SORCS3: variants seen among roughly 807,000 people sequenced by gnomAD.
SORCS3 encodes sortilin related VPS10 domain containing receptor 3, also known as VPS10 domain-containing receptor SorCS3.
SORCS3 carries 57 observed loss-of-function variants against 146.3 expected under a neutral mutation model. The ratio of observed to expected loss-of-function variants is 0.39; its 90% CI spans 0.31 to 0.49. The LOEUF (loss-of-function observed/expected upper bound fraction) is 0.49, where lower values mean the gene tolerates loss of function less well. SORCS3 is among the 20% of genes least tolerant of loss of function. The pLI is 0.92. For missense variants in SORCS3, 1,341 were observed against 1,575.5 expected, an observed-to-expected ratio of 0.85 and a Z score of 2.52; for synonymous variants, 653 against 618.5, an observed-to-expected ratio of 1.06 and a Z score of -0.83.
intron 1 of SORCS3, among the ~76,000 whole-genome samples, chr10:104,680,578 G>T (rs191617581): frequency 6.6e-5 from 10 of 152,216 alleles, no homozygotes; most frequent in Non-Finnish European, 1.3e-4. Context: ...ACCTCCCCAT[G>T]CCTTAGTTTC....
At chr10:104,715,657 C>T (rs1332664796) in intron 1 of SORCS3, among the ~76,000 whole-genome samples, 2 of 152,156 alleles carry the variant, frequency 1.3e-5, no homozygotes, top group African/African-American at 4.8e-5. Context: ...TTTTGAATCT[C>T]ATTGTTTTAC....
At chr10:105,166,106 G>C (rs1235168155) in intron 12 of SORCS3, among the ~76,000 whole-genome samples, 2 of 152,096 alleles carry the variant, frequency 1.3e-5, no homozygotes, top group African/African-American at 4.8e-5. Flanking sequence ...GTGCATTGGG[G>C]CTCATCATTA....
At position 104,698,602 on chromosome 10, in the gene SORCS3, A is replaced by G. The variant is rs568093801; in HGVS notation, c.627+56648A>G. ...TCACACTGCTCCCACAAATTAAATA[A>G]AAAGTTATTTTGGAAGAAAGACGGA... is the stretch of plus-strand genomic sequence containing the variant. On this transcript the variant is annotated intron_variant, in intron 1 of 26. Coordinates refer to ENST00000369701, the MANE Select transcript of SORCS3 (RefSeq NM_014978.3). 3.3e-5 allele frequency among the ~76,000 whole-genome samples: 5 copies of G among 152,284 alleles called. No homozygotes were observed. In the South Asian group the frequency reaches 1.0e-3, roughly 32 times the overall value.
chr10:105,223,032 AT>A, intron 19 of SORCS3, 83 bp from the exon 20 acceptor site: 12 of 1,398,114 alleles, frequency 8.6e-6, no homozygotes, highest in Non-Finnish European at 1.2e-5. Context: ...TGCGAATAGA[AT>A]TTAAGGTTAA....
intron 20 of SORCS3, among the ~76,000 whole-genome samples, chr10:105,239,392 A>G (rs1223467780): frequency 6.6e-6 from 1 of 152,212 alleles, no homozygotes; most frequent in East Asian, 1.9e-4. Flanking sequence ...AAAGTGTACA[A>G]TATTAACTTG....
rs148259951 is a variant in SORCS3, at chr10:105,162,007, G to T, written c.1733-2296G>T. On this transcript the variant is annotated intron_variant, in intron 11 of 26. Coordinates refer to ENST00000369701, the MANE Select transcript of SORCS3 (RefSeq NM_014978.3). The stretch of plus-strand genomic sequence containing the variant: ...CTGTGGAGGCCCTCCTCCCGCCCCT[G>T]CCCCTGCAGGGGCAAGTTGCTTGTA... Among the ~76,000 whole-genome samples the T allele has an allele frequency of 4.2e-3, 645 of 152,132 alleles. 6 individuals carry two copies. The highest frequency in any genetic ancestry group is 0.014 in the African/African-American group (594 of 41,510).
At chr10:104,975,385 A>G (rs1248370074) in intron 3 of SORCS3, among the ~76,000 whole-genome samples, 1 of 152,100 alleles carries the variant, frequency 6.6e-6, no homozygotes, top group Non-Finnish European at 1.5e-5. Context: ...GGAGAACTAC[A>G]AACCACTGCT....
intron 1 of SORCS3, among the ~76,000 whole-genome samples, chr10:104,678,901 A>G (rs1416737840): frequency 6.6e-6 from 1 of 152,204 alleles, no homozygotes; most frequent in African/African-American, 2.4e-5. Flanking sequence ...GGAAAGCAGG[A>G]CAGGGAAGGA....
At position 104,977,481 on chromosome 10, in the gene SORCS3, T is replaced by G; in HGVS notation, c.942T>G (p.Ser314Arg). 1 of 1,606,656 alleles carries G rather than the reference T, an allele frequency of 6.2e-7. No homozygotes were observed. Among genetic ancestry groups the G allele is most frequent in the Non-Finnish European group, 8.5e-7 (1 of 1,177,558 alleles). The change falls in exon 4 of 27, where the codon AGT (serine) becomes AGG (arginine). Residue 314 changes from serine to arginine, a missense_variant. Ser to Arg is a moderately radical substitution (Grantham distance 110, BLOSUM62 -1). Transcript: ENST00000369701. ...PKQEDWVLAY[S>R]LDQKLYSSMD... is the part of the protein sequence containing the mutation. ...AAGAGGACTGGGTGCTGGCCTACAG[T>G]TTGGATCAAAAGGTGAATAAATACT...
At chr10:104,894,325 C>G (rs146697407) in intron 2 of SORCS3, among the ~76,000 whole-genome samples, 1 of 152,338 alleles carries the variant, frequency 6.6e-6, no homozygotes, top group Non-Finnish European at 1.5e-5. Context: ...TGAGATTCAA[C>G]TGTGTGCAAC....
chr10:105,001,805 C>CA (rs2055063372), intron 4 of SORCS3, among the ~76,000 whole-genome samples: 1 of 152,292 alleles, frequency 6.6e-6, no homozygotes, highest in South Asian at 2.1e-4. Context: ...CTAAGCTCTT[C>CA]AGGCACAATA....
At chr10:104,863,841 T>C (rs1284309897) in intron 2 of SORCS3, among the ~76,000 whole-genome samples, 3 of 152,040 alleles carry the variant, frequency 2.0e-5, no homozygotes, top group African/African-American at 7.2e-5. Context: ...TATTTTGGAG[T>C]GAGGGCATGT....
rs1231706431 is a variant in SORCS3 at position 105,105,525 on chromosome 10, G to A, written c.1212+10G>A. On this transcript the variant is annotated intron_variant, in intron 7 of 26. Transcript: ENST00000369701. Reference sequence around the variant, plus strand: ...ATATATCTTCATTCAGGTGAGTACAGAAAGTGCAGTTGGTGGTAGGAGGAT... The same window carrying A: ...ATATATCTTCATTCAGGTGAGTACAAAAAGTGCAGTTGGTGGTAGGAGGAT... 9 of 1,579,356 alleles carry A rather than the reference G, an allele frequency of 5.7e-6. No homozygotes were observed. The highest frequency in any genetic ancestry group is 7.0e-6 in the Non-Finnish European group (8 of 1,148,654).
chr10:104,878,378 T>C (rs1322961557), intron 2 of SORCS3, among the ~76,000 whole-genome samples: 4 of 152,166 alleles, frequency 2.6e-5, no homozygotes, highest in Non-Finnish European at 5.9e-5. Flanking sequence ...CAAAGGAGGA[T>C]GATAGGGGTG....
chr10:105,033,138 A>G (rs2055281204), intron 4 of SORCS3, among the ~76,000 whole-genome samples: 1 of 152,232 alleles, frequency 6.6e-6, no homozygotes, highest in Non-Finnish European at 1.5e-5. Flanking sequence ...CTTCAGTATA[A>G]AGAGGATAAA....
At chr10:105,129,325 CTT>C (rs1224918484) in intron 7 of SORCS3, among the ~76,000 whole-genome samples, 7 of 105,730 alleles carry the variant, frequency 6.6e-5, no homozygotes, top group African/African-American at 1.0e-4. Flanking sequence ...TTCTTTCTTT[CTT>C]TCTCTTTTTT....
chr10:105,124,398 C>T (rs1002066782), intron 7 of SORCS3, among the ~76,000 whole-genome samples: 1 of 152,182 alleles, frequency 6.6e-6, no homozygotes, highest in African/African-American at 2.4e-5. Flanking sequence ...TGTGGCAGGG[C>T]ATACGGCCTG....
At chr10:104,662,390 TC>T (rs1188933667) in intron 1 of SORCS3, among the ~76,000 whole-genome samples, 3 of 152,242 alleles carry the variant, frequency 2.0e-5, no homozygotes, top group African/African-American at 7.2e-5. Flanking sequence ...CGATGAAGTT[TC>T]TACTATTATG....
chr10:104,749,368 T>G (rs932729861), intron 1 of SORCS3, among the ~76,000 whole-genome samples: 1 of 152,096 alleles, frequency 6.6e-6, no homozygotes, highest in Admixed American at 6.6e-5. Context: ...GATTGTGACT[T>G]CTGCATCAGC....
Sources: gnomAD v4.1 joint callset for allele counts (sites outside exome capture counted in the v4.1 genomes callset) on GRCh38, gnomAD v4.1.1 for gene constraint, MANE v1.5 for transcripts, NCBI Gene and HGNC (gene_info 2026-07-23, HGNC 2026-07-21) for gene names.